CREB5: variants seen among roughly 807,000 people sequenced by gnomAD.
CREB5 encodes cyclic AMP-responsive element-binding protein 5.
Under a neutral mutation model 57.1 loss-of-function variants are expected in CREB5, and 19 were observed. The ratio of observed to expected loss-of-function variants is 0.33; its 90% CI spans 0.23 to 0.49. The LOEUF (loss-of-function observed/expected upper bound fraction) is 0.49. CREB5 is among the 20% of genes least tolerant of loss of function. The pLI is 0.99. For missense variants in CREB5, 579 were observed against 671.6 expected, an observed-to-expected ratio of 0.86 and a Z score of 1.52; for synonymous variants, 238 against 238.3, an observed-to-expected ratio of 1.00 and a Z score of 0.01.
At chr7:28,654,381 G>A (rs1206326596) in intron 5 of CREB5, among the ~76,000 whole-genome samples, 3 of 152,206 alleles carry the variant, frequency 2.0e-5, no homozygotes, top group African/African-American at 4.8e-5. Flanking sequence ...GCGTAATACA[G>A]TACAGCACTT....
intron 3 of CREB5, among the ~76,000 whole-genome samples, chr7:28,500,958 TG>T (rs1792250201): frequency 6.6e-6 from 1 of 152,204 alleles, no homozygotes; most frequent in South Asian, 2.1e-4. Flanking sequence ...GGAGATGGCT[TG>T]CACCAGAGGG....
In CREB5 at chr7:28,642,987, T is replaced by TACACACACACACACACACACAC. The variant is rs1179446048; in HGVS notation, c.464+72475_464+72496dup. Among the ~76,000 whole-genome samples the TACACACACACACACACACACAC allele has an allele frequency of 9.1e-5, 9 of 98,396 alleles. 1 individual carries two copies. The highest frequency in any genetic ancestry group is 1.3e-4 in the Non-Finnish European group (6 of 47,200). 64.6% of individuals were successfully genotyped at this position (98,396 alleles called of 152,430 possible). A position where few individuals can be genotyped will look rare whatever the true frequency, so the allele number is the denominator to read the frequency against. ...ACACACACACACACACACACACACA[T>TACACACACACACACACACACAC]ACACACACACACACACACACACACA... On this transcript the variant is annotated intron_variant, in intron 5 of 10. Coordinates refer to ENST00000357727, the MANE Select transcript of CREB5 (RefSeq NM_182898.4).
chr7:28,426,254 G>A (rs1788506777), intron 1 of CREB5, among the ~76,000 whole-genome samples: 1 of 152,216 alleles, frequency 6.6e-6, no homozygotes. Flanking sequence ...AGGCTTAGAG[G>A]TTAAGGGACT....
chr7:28,470,321 C>T (rs891387734), intron 1 of CREB5, among the ~76,000 whole-genome samples: 3 of 152,112 alleles, frequency 2.0e-5, no homozygotes, highest in Admixed American at 6.5e-5. Context: ...AGAGAACATG[C>T]GATGTTTGTC....
intron 5 of CREB5, chr7:28,615,588 C>T (rs1797567434): frequency 6.6e-6 from 1 of 152,378 alleles, no homozygotes; most frequent in Non-Finnish European, 1.5e-5. Context: ...TGAACCTGGT[C>T]TGCTGGCTGG....
chr7:28,346,854 C>G lies in CREB5; in HGVS notation c.-25+47413C>G, dbSNP rs150144162. Among the ~76,000 whole-genome samples the G allele has an allele frequency of 1.5e-4, 18 of 117,220 alleles. No individual in the cohort carries two copies. In the East Asian group the frequency reaches 5.1e-3, roughly 33 times the overall value. The allele number at this position is 117,220 out of a possible 152,430, so 76.9% of individuals were successfully genotyped here. A position where few individuals can be genotyped will look rare whatever the true frequency, so the allele number is the denominator to read the frequency against. ...CCACCACAGCTACAACTTGAAAGAT[C>G]TGAGTGCCAAATGGTCATGAATAGT... On this transcript the variant is annotated intron_variant, in intron 1 of 9. Coordinates refer to the CREB5 transcript ENST00000396299.
At chr7:28,416,305 C>T (rs1265553173) in intron 1 of CREB5, among the ~76,000 whole-genome samples, 3 of 152,214 alleles carry the variant, frequency 2.0e-5, no homozygotes, top group African/African-American at 4.8e-5. Context: ...AGTCCTCTCT[C>T]TGTTGGCTTC....
rs1052412316 is a variant in CREB5 at position 28,686,085 on chromosome 7, G to A, written c.465-32668G>A. Reference sequence around the variant, plus strand: ...GCTTGGCCTGGAATCAAATGGGAAGGATATGACTCACTCAAGCTAGTTAAG... The same window carrying A: ...GCTTGGCCTGGAATCAAATGGGAAGAATATGACTCACTCAAGCTAGTTAAG... On this transcript the variant is annotated intron_variant, in intron 5 of 10. Coordinates refer to ENST00000357727, the MANE Select transcript of CREB5 (RefSeq NM_182898.4). 4.2e-5 allele frequency: 67 copies of A among 1,581,070 alleles called. No homozygotes were observed. In the Middle Eastern group the frequency reaches 5.0e-4, roughly 12 times the overall value.
chr7:28,550,281 A>G (rs963717924), intron 4 of CREB5, among the ~76,000 whole-genome samples: 1 of 151,912 alleles, frequency 6.6e-6, no homozygotes, highest in African/African-American at 2.4e-5. Flanking sequence ...GGAATATTTT[A>G]GCCCTGAAGA....
rs530379903 is a variant in CREB5, at chr7:28,375,742, A to G, written c.-25+76301A>G. Among the ~76,000 whole-genome samples, 766 of 130,586 alleles carry G rather than the reference A, an allele frequency of 5.9e-3. 6 individuals are homozygous for G. Among genetic ancestry groups the G allele is most frequent in the African/African-American group, 0.025 (714 of 28,650 alleles). The allele number at this position is 130,586 out of a possible 152,430, so 85.7% of individuals were successfully genotyped here. ...TCAAAATGGACCACTTCTGTTATTG[A>G]AAAAAAAAAAAAAGCAAATATGGAG... On this transcript the variant is annotated intron_variant, in intron 1 of 9. Coordinates refer to the CREB5 transcript ENST00000396299.
intron 5 of CREB5, among the ~76,000 whole-genome samples, chr7:28,707,294 C>T (rs370584279): frequency 3.2e-4 from 49 of 152,296 alleles, no homozygotes; most frequent in Non-Finnish European, 4.0e-4. Context: ...ATGCATTGAT[C>T]GTCTTCAAAG....
intron 5 of CREB5, among the ~76,000 whole-genome samples, chr7:28,626,578 C>T (rs1046807847): frequency 2.0e-5 from 3 of 152,174 alleles, no homozygotes; most frequent in African/African-American, 7.2e-5. Context: ...GCTCTCTTAA[C>T]CCCTCCCCTC....
chr7:28,810,420 A>T (rs1809043229), intron 9 of CREB5, among the ~76,000 whole-genome samples: 1 of 151,998 alleles, frequency 6.6e-6, no homozygotes, highest in South Asian at 2.1e-4. Context: ...AGTGGCCTAC[A>T]CCTGTAATCC....
intron 5 of CREB5, among the ~76,000 whole-genome samples, chr7:28,679,642 T>A (rs1018789745): frequency 6.6e-6 from 1 of 152,180 alleles, no homozygotes; most frequent in Non-Finnish European, 1.5e-5. Context: ...ATCTTCCTGG[T>A]CAGAATCATG....
chr7:28,759,443 A>G (rs1805521813), intron 7 of CREB5, among the ~76,000 whole-genome samples: 2 of 152,204 alleles, frequency 1.3e-5, no homozygotes, highest in South Asian at 2.1e-4. Flanking sequence ...CAGAATTTCA[A>G]TAGCCAGAGC....
intron 7 of CREB5, among the ~76,000 whole-genome samples, chr7:28,773,118 T>G (rs1023379213): frequency 6.6e-6 from 1 of 152,154 alleles, no homozygotes; most frequent in South Asian, 2.1e-4. Context: ...CTTTTTAATA[T>G]CTGTTTTTTA....
intron 5 of CREB5, among the ~76,000 whole-genome samples, chr7:28,600,530 GA>G (rs376390299): frequency 1.3e-5 from 2 of 152,178 alleles, no homozygotes; most frequent in African/African-American, 4.8e-5. Context: ...GTAGGGAGGG[GA>G]TGATGAGGAG....
chr7:28,434,852 C>G (rs542128807), intron 1 of CREB5, among the ~76,000 whole-genome samples: 1 of 152,266 alleles, frequency 6.6e-6, no homozygotes, highest in African/African-American at 2.4e-5. Flanking sequence ...AGAATCTTTT[C>G]ATCAATTCCA....
At chr7:28,559,721 C>T (rs1795007164) in intron 4 of CREB5, among the ~76,000 whole-genome samples, 1 of 152,236 alleles carries the variant, frequency 6.6e-6, no homozygotes, top group African/African-American at 2.4e-5. Context: ...TTCAACGCCT[C>T]AAAAATCACA....
Sources: allele counts gnomAD v4.1 joint callset (sites outside exome capture counted in the v4.1 genomes callset), GRCh38; gene constraint gnomAD v4.1.1; transcripts MANE v1.5; gene names NCBI Gene and HGNC (gene_info 2026-07-23, HGNC 2026-07-21).